The following NALCN variants were observed in gnomAD, a reference collection of about 807,000 sequenced individuals.
NALCN encodes sodium leak channel, non-selective.
In NALCN, 111 loss-of-function variants were observed where a neutral mutation model predicts 225.3. The observed-to-expected ratio is 0.49, with a 90% CI of 0.42 to 0.58. NALCN has a LOEUF of 0.58. Among genes scored for constraint, NALCN ranks in the 20% least tolerant of loss-of-function variants. The probability of loss-of-function intolerance (pLI) is 0.00; values close to 1 mark genes in which losing one functional copy is unlikely to be tolerated. For synonymous variants in NALCN, 764 were observed against 769.0 expected (o/e 0.99, Z 0.11); for missense variants, 1,378 against 2,202.4 (o/e 0.63, Z 7.49).
In NALCN at chr13:101,292,804, C is replaced by A. The variant is rs928111728; in HGVS notation, c.800-438G>T. On this transcript the variant is annotated intron_variant, in intron 7 of 43. Transcript: ENST00000251127. The surrounding 1 kb of genome is among the most constrained non-coding windows in gnomAD (Gnocchi z 4.3). ...GGGAGAACTGAGTTTCATTTGAAAT[C>A]ACTTTCTCACAGGGAGAGTAAAGTA... Among the ~76,000 whole-genome samples the A allele has an allele frequency of 6.6e-6, 1 of 152,136 alleles. No individual in the cohort carries two copies. Among genetic ancestry groups the A allele is most frequent in the African/African-American group, 2.4e-5 (1 of 41,436 alleles).
intron 39 of NALCN, among the ~76,000 whole-genome samples, chr13:101,067,013 A>ATTAT (rs1033861499): frequency 2.0e-5 from 3 of 151,770 alleles, no homozygotes; most frequent in Non-Finnish European, 4.4e-5. Context: ...ACTATTTATT[A>ATTAT]TTATTTCACT....
At position 101,063,407 on chromosome 13, in the gene NALCN, G is replaced by A. The variant is rs530943737; in HGVS notation, c.4605-1289C>T. 4.4e-4 allele frequency among the ~76,000 whole-genome samples: 67 copies of A among 152,320 alleles called. 2 individuals carry two copies. The highest frequency in any genetic ancestry group is 1.0e-3 in the South Asian group (5 of 4,822). ...TATACTGGGCTAGGGGAATAAATAG[G>A]AAGGGGAGAGACAGCCCCATCACAG... is the stretch of plus-strand genomic sequence containing the variant. On this transcript the variant is annotated intron_variant, in intron 40 of 43. Coordinates refer to ENST00000251127, the MANE Select transcript of NALCN (RefSeq NM_052867.4).
rs2139515109 is a variant in NALCN at position 101,082,999 on chromosome 13, A to G, written c.3690+93T>C. ...AATCTTAATTTTTACACCCAAGAAC[A>G]TAACCGTGAATGCATATAGCAGCTT... is the stretch of plus-strand genomic sequence containing the variant. On this transcript the variant is annotated intron_variant, in intron 32 of 43. Transcript: ENST00000251127. 4 of 1,538,904 alleles carry G rather than the reference A, an allele frequency of 2.6e-6. No individual in the cohort carries two copies. In the East Asian group the frequency reaches 6.8e-5, roughly 26 times the overall value.
intron 15 of NALCN, among the ~76,000 whole-genome samples, chr13:101,155,532 C>T (rs563363327): frequency 3.9e-5 from 6 of 152,254 alleles, no homozygotes; most frequent in East Asian, 1.9e-4. Flanking sequence ...GGAGATGATA[C>T]GCCCTTCTCG....
chr13:101,126,137 A>G (rs2036217493), intron 17 of NALCN, among the ~76,000 whole-genome samples: 1 of 152,250 alleles, frequency 6.6e-6, no homozygotes, highest in Non-Finnish European at 1.5e-5. Flanking sequence ...GAACCAGAGT[A>G]ACAAACAGGT....
intron 13 of NALCN, among the ~76,000 whole-genome samples, chr13:101,227,423 G>A (rs2041186922): frequency 6.6e-6 from 1 of 152,026 alleles, no homozygotes; most frequent in South Asian, 2.1e-4. Context: ...TCTAGGAGTG[G>A]CCAACCCAGA....
chr13:101,191,599 G>A (rs556486552), intron 14 of NALCN, among the ~76,000 whole-genome samples: 2 of 152,236 alleles, frequency 1.3e-5, no homozygotes, highest in East Asian at 1.9e-4. Context: ...TGGAGTTCCG[G>A]TTTGATCCTG....
rs183844141 is a variant in NALCN, at chr13:101,081,266, C to T, written c.3885+261G>A. Among the ~76,000 whole-genome samples the T allele has an allele frequency of 1.8e-4, 27 of 152,244 alleles. 2 individuals are homozygous for T. The East Asian group carries it at 5.2e-3, about 29-fold the overall frequency. On this transcript the variant is annotated intron_variant, in intron 34 of 43. Transcript: ENST00000251127. ...AAAATGAGGGGCTAAACCAGAAGAT[C>T]TTGAAGGTCCTTCTCTTTCTAGCTT...
At chr13:101,278,522 C>CAAAAAAA (rs3061766) in intron 10 of NALCN, among the ~76,000 whole-genome samples, 16 of 87,438 alleles carry the variant, frequency 1.8e-4, no homozygotes, top group Middle Eastern at 7.1e-3. Context: ...GACTCTGTCT[C>CAAAAAAA]AAAAAAAAAA....
intron 17 of NALCN, among the ~76,000 whole-genome samples, chr13:101,137,420 TC>T (rs1262079219): frequency 6.6e-6 from 1 of 152,110 alleles, no homozygotes; most frequent in Non-Finnish European, 1.5e-5. Flanking sequence ...CATTCATTCA[TC>T]CTGGAAATTA....
chr13:101,302,822 C>T (rs1356330428), intron 7 of NALCN, among the ~76,000 whole-genome samples: 3 of 151,792 alleles, frequency 2.0e-5, no homozygotes, highest in Non-Finnish European at 4.4e-5. Flanking sequence ...TATTTGCTAT[C>T]CACATTCTTC....
In NALCN at chr13:101,395,371, A is replaced by G. The variant is rs781086363; in HGVS notation, c.109-6T>C. ...CGCAGCAAAGAGTGAACCCACTGCA[A>G]TGATGGTCCAGAGTTACTACACGGC... On this transcript the variant is annotated splice_polypyrimidine_tract_variant and splice_region_variant and intron_variant, in intron 2 of 43. Coordinates refer to ENST00000251127, the MANE Select transcript of NALCN (RefSeq NM_052867.4). 16 of 1,612,756 alleles carry G rather than the reference A, an allele frequency of 9.9e-6. No individual in the cohort carries two copies. Among genetic ancestry groups the G allele is most frequent in the Middle Eastern group, 1.7e-4 (1 of 6,060 alleles).
chr13:101,270,779 A>G (rs557836063), intron 10 of NALCN, among the ~76,000 whole-genome samples: 2 of 152,228 alleles, frequency 1.3e-5, no homozygotes, highest in Non-Finnish European at 2.9e-5. Context: ...GAACACTGAG[A>G]AAATACACAG....
At chr13:101,080,119 T>C (rs990086177) in intron 34 of NALCN, among the ~76,000 whole-genome samples, 49 of 152,248 alleles carry the variant, frequency 3.2e-4, no homozygotes, top group African/African-American at 1.2e-3. Context: ...CCAGAGGGAA[T>C]AGGTGGATTA....
intron 14 of NALCN, among the ~76,000 whole-genome samples, chr13:101,180,060 G>A (rs898259957): frequency 2.0e-5 from 3 of 152,064 alleles, no homozygotes; most frequent in South Asian, 2.1e-4. Flanking sequence ...GATAATCCAG[G>A]ATGATCTCAT....
At position 101,380,911 on chromosome 13, in the gene NALCN, A is replaced by C. The variant is rs1322034153; in HGVS notation, c.292-2258T>G. 2.6e-5 allele frequency among the ~76,000 whole-genome samples: 4 copies of C among 151,250 alleles called. No homozygotes were observed. The South Asian group carries it at 6.3e-4, about 24-fold the overall frequency. On this transcript the variant is annotated intron_variant, in intron 3 of 43. Transcript: ENST00000251127. ...ACACACACCACCATCACCACCACCAACAACCAAAAGAACAGTCTTGTAGAA... is the reference window on the plus strand; with the variant it reads ...ACACACACCACCATCACCACCACCACCAACCAAAAGAACAGTCTTGTAGAA...
chr13:101,174,663 T>C (rs1207237683), intron 15 of NALCN, among the ~76,000 whole-genome samples: 1 of 152,192 alleles, frequency 6.6e-6, no homozygotes, highest in Admixed American at 6.5e-5. Context: ...TTCACAATCC[T>C]GAAAAAATTG....
At chr13:101,194,741 C>T (rs546798622) in intron 13 of NALCN, among the ~76,000 whole-genome samples, 5 of 152,174 alleles carry the variant, frequency 3.3e-5, no homozygotes, top group South Asian at 2.1e-4. Context: ...TGATGGCTCA[C>T]GCCTGTAATC....
intron 30 of NALCN, among the ~76,000 whole-genome samples, chr13:101,084,293 C>G (rs1763334092): frequency 6.6e-6 from 1 of 152,094 alleles, no homozygotes; most frequent in African/African-American, 2.4e-5. Context: ...GAAAGTAGTG[C>G]TGTGATAACT....
Sources: gnomAD v4.1 joint callset for allele counts (sites outside exome capture counted in the v4.1 genomes callset) on GRCh38, gnomAD v4.1.1 for gene constraint, Gnocchi (gnomAD v3.1) non-coding constraint, MANE v1.5 for transcripts, NCBI Gene and HGNC (gene_info 2026-07-23, HGNC 2026-07-21) for gene names.